The following SLC37A1 variants were observed in gnomAD, a reference collection of about 807,000 sequenced individuals.
SLC37A1 encodes solute carrier family 37 member 1, also known as glucose-6-phosphate exchanger SLC37A1.
Under a neutral mutation model 75.3 loss-of-function variants are expected in SLC37A1, and 49 were observed. The ratio of observed to expected loss-of-function variants is 0.65; its 90% CI spans 0.52 to 0.83. SLC37A1 has a LOEUF of 0.83. Among genes scored for constraint, SLC37A1 ranks in the 40% least tolerant of loss-of-function variants. The pLI is 0.00. For synonymous variants in SLC37A1, 268 were observed against 292.1 expected (o/e 0.92, Z 0.84); for missense variants, 566 against 695.0 (o/e 0.81, Z 2.09).
chr21:42,528,723 GGAGGCT>G (rs1368455808), intron 3 of SLC37A1, among the ~76,000 whole-genome samples: 1 of 152,224 alleles, frequency 6.6e-6, no homozygotes, highest in Non-Finnish European at 1.5e-5. Context: ...CAGCTACTGG[GGAGGCT>G]GAGGCAGGAG....
In SLC37A1 at chr21:42,564,765, G is replaced by T; in HGVS notation, c.1193G>T (p.Gly398Val). 4 of 1,608,316 alleles carry T rather than the reference G, an allele frequency of 2.5e-6. No individual in the cohort carries two copies. Among genetic ancestry groups the T allele is most frequent in the Non-Finnish European group, 3.4e-6 (4 of 1,179,978 alleles). The change falls in exon 14 of 20, where the codon GGC becomes GTC. Residue 398 changes from glycine to valine, a missense_variant. Gly to Val is a moderately radical substitution (Grantham distance 109). Coordinates refer to ENST00000352133, the MANE Select transcript of SLC37A1 (RefSeq NM_001320537.2). ...DRLEKRASTCGLMLLLAAPTL... is the reference protein window; with the variant it reads ...DRLEKRASTCVLMLLLAAPTL... ...CTGGAGAAAAGGGCCTCCACCTGCG[G>T]CCTGATGCTGCTGCTCGCGGCCCCC...
At chr21:42,538,120 C>T (rs545093391) in intron 5 of SLC37A1, among the ~76,000 whole-genome samples, 3 of 152,316 alleles carry the variant, frequency 2.0e-5, no homozygotes, top group African/African-American at 7.2e-5. Flanking sequence ...TACTTCTAAG[C>T]CTAGCCAGCA....
intron 18 of SLC37A1, among the ~76,000 whole-genome samples, chr21:42,578,781 GCTC>G (rs2056358761): frequency 6.6e-6 from 1 of 152,176 alleles, no homozygotes; most frequent in Admixed American, 6.5e-5. Context: ...GGACTCCTAA[GCTC>G]CTACTTGAAC....
chr21:42,512,611 G>A (rs1487598434), upstream of SLC37A1, among the ~76,000 whole-genome samples: 1 of 152,254 alleles, frequency 6.6e-6, no homozygotes, highest in Non-Finnish European at 1.5e-5. Flanking sequence ...GGCCTGCGGA[G>A]AGAAAGAAGG....
chr21:42,567,525 G>A (rs1322572396), intron 16 of SLC37A1, among the ~76,000 whole-genome samples: 1 of 152,216 alleles, frequency 6.6e-6, no homozygotes, highest in East Asian at 1.9e-4. Context: ...GAAAATTCTG[G>A]AAGGATCCAC....
intron 3 of SLC37A1, among the ~76,000 whole-genome samples, chr21:42,530,654 A>ACACCCCCCCCCC (rs1161313598): frequency 2.8e-5 from 1 of 35,880 alleles, no homozygotes; most frequent in Non-Finnish European, 5.2e-5. Flanking sequence ...ACACACACAC[A>ACACCCCCCCCCC]CCCCCTCTGT....
At chr21:42,507,777 C>T (rs2054397753) in intron 2 of SLC37A1, among the ~76,000 whole-genome samples, 1 of 152,084 alleles carries the variant, frequency 6.6e-6, no homozygotes, top group Non-Finnish European at 1.5e-5. Flanking sequence ...CTAATCAGTG[C>T]TCACAGGGAC....
intron 16 of SLC37A1, among the ~76,000 whole-genome samples, 189 bp downstream of exon 16, chr21:42,567,247 GC>G (rs1430605079): frequency 2.6e-5 from 4 of 152,202 alleles, no homozygotes; most frequent in African/African-American, 9.7e-5. Context: ...AAAATCATGG[GC>G]AGGTTGGTGC....
intron 6 of SLC37A1, among the ~76,000 whole-genome samples, chr21:42,540,181 G>C (rs1164691417): frequency 6.6e-6 from 1 of 152,240 alleles, no homozygotes; most frequent in Non-Finnish European, 1.5e-5. Flanking sequence ...GAGGGCTGCA[G>C]TGTATGGTCG....
At position 42,548,295 on chromosome 21, in the gene SLC37A1, C is replaced by T. The variant is rs2055466953; in HGVS notation, c.768+1155C>T. On this transcript the variant is annotated intron_variant, in intron 9 of 19. Transcript: ENST00000352133. This position sits in a 1 kb window ranked among gnomAD's most constrained non-coding sequence, Gnocchi z 5.6. Reference sequence around the variant, plus strand: ...CGCAATCTGAGGTCTCACCACCACTCAACCTTCCCACGGAGATGTCTGAGT... The same window carrying T: ...CGCAATCTGAGGTCTCACCACCACTTAACCTTCCCACGGAGATGTCTGAGT... 6.6e-6 allele frequency among the ~76,000 whole-genome samples: 1 copy of T among 152,190 alleles called. No individual in the cohort carries two copies. The highest frequency in any genetic ancestry group is 2.4e-5 in the African/African-American group (1 of 41,440).
intron 18 of SLC37A1, among the ~76,000 whole-genome samples, chr21:42,577,366 A>C (rs1212327257): frequency 6.6e-6 from 1 of 152,270 alleles, no homozygotes; most frequent in Non-Finnish European, 1.5e-5. Context: ...AAGAATGTGC[A>C]ACAGAAACCA....
intron 9 of SLC37A1, among the ~76,000 whole-genome samples, chr21:42,551,457 G>T (rs560606196): frequency 6.6e-6 from 1 of 152,190 alleles, no homozygotes; most frequent in Admixed American, 6.5e-5. Context: ...TGGGAAGAAA[G>T]GGGGGATGAC....
chr21:42,563,528 T>C (rs545944905), intron 12 of SLC37A1, among the ~76,000 whole-genome samples: 144 of 152,234 alleles, frequency 9.5e-4, no homozygotes, highest in African/African-American at 3.3e-3. Flanking sequence ...TCCACTTCTG[T>C]CCTGTGTTAA....
At chr21:42,521,685 C>T (rs1210659872) in intron 2 of SLC37A1, among the ~76,000 whole-genome samples, 1 of 152,234 alleles carries the variant, frequency 6.6e-6, no homozygotes, top group African/African-American at 2.4e-5. Flanking sequence ...TGGGATTTTT[C>T]ATATTGGTGG....
Position 42,563,857 on chromosome 21 carries a change from T to C in SLC37A1, c.1115T>C (p.Phe372Ser). 1 of 1,614,216 alleles carries C rather than the reference T, an allele frequency of 6.2e-7. No homozygotes were observed. Among genetic ancestry groups the C allele is most frequent in the Non-Finnish European group, 8.5e-7 (1 of 1,180,026 alleles). The change falls in exon 13 of 20, where the codon TTT (phenylalanine) becomes TCT (serine). Residue 372 changes from phenylalanine (F) to serine (S), a missense_variant. By Grantham distance (155) the Phe-to-Ser change is radical (BLOSUM62 -2). Coordinates refer to ENST00000352133, the MANE Select transcript of SLC37A1 (RefSeq NM_001320537.2). Reference sequence around the variant, plus strand: ...AAGGCGGGGGAGCTCTCCACCCTGTTTGACGTGGGCGGAATCTTTGGTGAG... The same window carrying C: ...AAGGCGGGGGAGCTCTCCACCCTGTCTGACGTGGGCGGAATCTTTGGTGAG... Reference protein sequence around the residue: ...AKKAGELSTLFDVGGIFGGIL... With the variant: ...AKKAGELSTLSDVGGIFGGIL...
chr21:42,511,770 G>A (rs945238702), upstream of SLC37A1, among the ~76,000 whole-genome samples: 5 of 152,084 alleles, frequency 3.3e-5, no homozygotes, highest in African/African-American at 7.2e-5. Context: ...TCCAACCTGG[G>A]CAACAGAACA....
intron 3 of SLC37A1, among the ~76,000 whole-genome samples, chr21:42,527,411 T>C (rs2054824507): frequency 6.6e-6 from 1 of 152,064 alleles, no homozygotes; most frequent in South Asian, 2.1e-4. Flanking sequence ...CCCCTGACTC[T>C]CGTGTGTAGT....
At chr21:42,536,521 G>A (rs1296648008) in intron 5 of SLC37A1, among the ~76,000 whole-genome samples, 1 of 152,152 alleles carries the variant, frequency 6.6e-6, no homozygotes, top group Non-Finnish European at 1.5e-5. Flanking sequence ...ATTTTCTGTT[G>A]CTATTAGCAC....
intron 5 of SLC37A1, 120 bp from the exon 6 acceptor site, chr21:42,539,392 C>T: frequency 8.2e-7 from 1 of 1,217,208 alleles, no homozygotes; most frequent in Non-Finnish European, 1.1e-6. Flanking sequence ...AATTGTAAGG[C>T]TTGAGAGTTC....
Sources: gnomAD v4.1 joint callset for allele counts (sites outside exome capture counted in the v4.1 genomes callset) on GRCh38, gnomAD v4.1.1 for gene constraint, Gnocchi (gnomAD v3.1) non-coding constraint, MANE v1.5 for transcripts, NCBI Gene and HGNC (gene_info 2026-07-23, HGNC 2026-07-21) for gene names.